GET1: variants seen among roughly 807,000 people sequenced by gnomAD.
GET1 encodes guided entry of tail-anchored proteins factor 1.
In GET1, 20 loss-of-function variants were observed where a neutral mutation model predicts 22.6. That is an observed-to-expected ratio of 0.89 (90% CI 0.62 to 1.29). The LOEUF (loss-of-function observed/expected upper bound fraction) is 1.29. Ranked by LOEUF, GET1 falls within the 50% of genes most tolerant of loss-of-function variation. GET1 has a pLI of 0.00. For synonymous variants in GET1, 92 were observed against 83.8 expected (o/e 1.10, Z -0.53); for missense variants, 209 against 219.9 (o/e 0.95, Z 0.31).
intron 1 of GET1, among the ~76,000 whole-genome samples, chr21:39,417,291 T>C (rs1028924105): frequency 4.6e-5 from 7 of 152,092 alleles, no homozygotes; most frequent in Non-Finnish European, 8.8e-5. Context: ...CCGCCCACCT[T>C]GGCCTCCCAA....
Position 39,392,995 on chromosome 21 carries a change from A to G in GET1, c.337-171A>G, listed in dbSNP as rs1026849192. 2.3e-5 allele frequency: 13 copies of G among 573,028 alleles called. No homozygotes were observed. The African/African-American group carries it at 2.4e-4, about 11-fold the overall frequency. 35.5% of individuals were successfully genotyped at this position (573,028 alleles called of 1,614,324 possible). A position where few individuals can be genotyped will look rare whatever the true frequency, so the allele number is the denominator to read the frequency against. Reference sequence around the variant, plus strand: ...CTCATTCAAGGTTTCACCAAGGGACATTAGTGGCTGTGCGTGCTCATCTGT... The same window carrying G: ...CTCATTCAAGGTTTCACCAAGGGACGTTAGTGGCTGTGCGTGCTCATCTGT... On this transcript the variant is annotated intron_variant, in intron 3 of 4. Transcript: ENST00000649170.
downstream of GET1, among the ~76,000 whole-genome samples, chr21:39,401,323 C>T (rs1326598352): frequency 6.6e-6 from 1 of 152,114 alleles, no homozygotes; most frequent in Non-Finnish European, 1.5e-5. Context: ...GCTGTGATTA[C>T]AGGTGTGAGC....
At chr21:39,393,603 T>A (rs2038449793) in intron 4 of GET1, among the ~76,000 whole-genome samples, 1 of 152,180 alleles carries the variant, frequency 6.6e-6, no homozygotes, top group African/African-American at 2.4e-5. Flanking sequence ...TTTCAATCCC[T>A]ATTATGGTTG....
At chr21:39,393,342 T>C (rs2038431129) in intron 4 of GET1, 62 bp downstream of exon 4, 1 of 1,364,518 alleles carries the variant, frequency 7.3e-7, no homozygotes, top group Non-Finnish European at 1.0e-6. Context: ...AGGTGTGTGG[T>C]AGAAGATTAA....
intron 4 of GET1, chr21:39,405,792 C>T: frequency 2.0e-6 from 2 of 997,852 alleles, no homozygotes; most frequent in Middle Eastern, 3.3e-4. Flanking sequence ...CACATACATA[C>T]ACTCCCTCTC....
At chr21:39,401,804 T>A (rs891285130), downstream of GET1, among the ~76,000 whole-genome samples, 1 of 152,180 alleles carries the variant, frequency 6.6e-6, no homozygotes, top group Admixed American at 6.5e-5. Flanking sequence ...CGTTATTATA[T>A]GTTATGGTGG....
chr21:39,398,884 C>T (rs1317882811), downstream of GET1, among the ~76,000 whole-genome samples: 2 of 151,874 alleles, frequency 1.3e-5, no homozygotes, highest in Non-Finnish European at 2.9e-5. Flanking sequence ...GGATTACAGG[C>T]GCCCGCCATG....
At chr21:39,412,294 G>A (rs2040223090) in intron 1 of GET1, among the ~76,000 whole-genome samples, 1 of 152,174 alleles carries the variant, frequency 6.6e-6, no homozygotes, top group African/African-American at 2.4e-5. Context: ...ATGAGACAGG[G>A]CTACGTCTAG....
At chr21:39,410,504 A>T (rs2039901060), downstream of GET1, 1 of 542,752 alleles carries the variant, frequency 1.8e-6, no homozygotes, top group Non-Finnish European at 3.2e-6. Context: ...TATATATATA[A>T]GCATTTGTTA....
chr21:39,408,098 T>C (rs2039423868), downstream of GET1, among the ~76,000 whole-genome samples: 1 of 152,226 alleles, frequency 6.6e-6, no homozygotes, highest in African/African-American at 2.4e-5. Flanking sequence ...TGCATGTACT[T>C]TCCTCAGAAG....
exon 2 of GET1, chr21:39,428,348 A>G: frequency 1.2e-6 from 2 of 1,613,600 alleles, no homozygotes; most frequent in Non-Finnish European, 1.7e-6. Context: ...GCTATAATCA[A>G]CACTCTTATT....
chr21:39,388,995 ACAGATCT>A (rs1168814363), intron 1 of GET1, among the ~76,000 whole-genome samples: 1 of 152,078 alleles, frequency 6.6e-6, no homozygotes, highest in East Asian at 1.9e-4. Context: ...TGTGGAAACC[ACAGATCT>A]CCAATTGAAG....
chr21:39,428,192 G>A, intron 1 of GET1: 1 of 1,581,274 alleles, frequency 6.3e-7, no homozygotes, highest in Non-Finnish European at 8.6e-7. Context: ...GGAGATTTTA[G>A]AAACATTATA....
intron 4 of GET1, among the ~76,000 whole-genome samples, chr21:39,404,604 G>A (rs1315996804): frequency 1.3e-5 from 2 of 151,818 alleles, no homozygotes; most frequent in Non-Finnish European, 2.9e-5. Context: ...AGAAAAATTA[G>A]CTGGGTGTGG....
At chr21:39,411,903 A>T in intron 1 of GET1, 1 of 635,026 alleles carries the variant, frequency 1.6e-6, no homozygotes, top group Non-Finnish European at 2.8e-6. Flanking sequence ...CCTATGAATA[A>T]AATCTGTAGA....
downstream of GET1, among the ~76,000 whole-genome samples, chr21:39,409,708 T>G (rs1239418602): frequency 6.6e-6 from 1 of 152,224 alleles, no homozygotes; most frequent in Non-Finnish European, 1.5e-5. The surrounding 1 kb of genome is among the most constrained non-coding windows in gnomAD (Gnocchi z 4.2). Context: ...TTTTCCTGCC[T>G]CAGCCTCCTG....
At chr21:39,406,036 T>G in exon 5 of GET1, 1 of 1,614,132 alleles carries the variant, frequency 6.2e-7, no homozygotes, top group Non-Finnish European at 8.5e-7. Context: ...CTCTGAGCCT[T>G]TTGCAACACC....
Position 39,396,765 on chromosome 21 carries a change from AAG to A in GET1, c.452-99_452-98del, listed in dbSNP as rs2038683053. The stretch of plus-strand genomic sequence containing the variant: ...TCACTTCAGCCCAGCACTGCTCAAA[AAG>A]AATGGAAATACTCTCTTTGCTGTGA... On this transcript the variant is annotated intron_variant, in intron 4 of 4. Coordinates refer to ENST00000649170, the MANE Select transcript of GET1 (RefSeq NM_004627.6). 3.7e-5 allele frequency: 41 copies of A among 1,102,912 alleles called. 1 individual carries two copies. In the Middle Eastern group the frequency reaches 2.1e-3, roughly 58 times the overall value. 68.3% of individuals were successfully genotyped at this position (1,102,912 alleles called of 1,614,324 possible). A position where few individuals can be genotyped will look rare whatever the true frequency, so the allele number is the denominator to read the frequency against.
At chr21:39,403,728 TCTC>T (rs2038904713) in intron 4 of GET1, among the ~76,000 whole-genome samples, 1 of 150,158 alleles carries the variant, frequency 6.7e-6, no homozygotes. Flanking sequence ...TTCAAGCAAT[TCTC>T]CTGCCTCAGC....
Sources: gnomAD v4.1 joint callset for allele counts (sites outside exome capture counted in the v4.1 genomes callset) on GRCh38, gnomAD v4.1.1 for gene constraint, Gnocchi (gnomAD v3.1) non-coding constraint, MANE v1.5 for transcripts, NCBI Gene and HGNC (gene_info 2026-07-23, HGNC 2026-07-21) for gene names.